Variants in SELENOI observed in about 807,000 individuals in gnomAD.
The protein encoded by SELENOI is ethanolaminephosphotransferase 1.
SELENOI carries 24 observed loss-of-function variants against 50.7 expected under a neutral mutation model. The observed-to-expected ratio is 0.47, with a 90% CI of 0.34 to 0.67. The LOEUF (loss-of-function observed/expected upper bound fraction) is 0.67. Among genes scored for constraint, SELENOI ranks in the 30% least tolerant of loss-of-function variants. The pLI is 0.01. For synonymous variants in SELENOI, 155 were observed against 170.2 expected, an observed-to-expected ratio of 0.91 and a Z score of 0.70; for missense variants, 352 against 461.4, an observed-to-expected ratio of 0.76 and a Z score of 2.17.
intron 9 of SELENOI, among the ~76,000 whole-genome samples, chr2:26,387,478 C>G (rs1476726024): frequency 6.6e-6 from 1 of 151,708 alleles, no homozygotes; most frequent in Non-Finnish European, 1.5e-5. Flanking sequence ...ATCGCTTTAG[C>G]TCAGGAGTTC....
intron 1 of SELENOI, 156 bp downstream of exon 1, chr2:26,346,445 G>A (rs1676763239): frequency 1.1e-6 from 1 of 922,916 alleles, no homozygotes; most frequent in South Asian, 1.9e-5. Context: ...GGGGATTGGG[G>A]GTCGGGGAGC....
At chr2:26,388,676 T>C (rs998157668) in intron 9 of SELENOI, among the ~76,000 whole-genome samples, 2 of 152,178 alleles carry the variant, frequency 1.3e-5, no homozygotes, top group African/African-American at 4.8e-5. Context: ...AAGCTGAATA[T>C]AGAGTCTAAC....
intron 1 of SELENOI, 119 bp from the exon 2 acceptor site, chr2:26,364,183 C>T (rs1677240387): frequency 3.2e-6 from 2 of 633,716 alleles, no homozygotes; most frequent in African/African-American, 2.0e-5. Context: ...TTTTGAGTAG[C>T]TGGGTTATAT....
At chr2:26,381,510 A>T (rs1677701820) in intron 6 of SELENOI, among the ~76,000 whole-genome samples, 1 of 152,114 alleles carries the variant, frequency 6.6e-6, no homozygotes, top group Non-Finnish European at 1.5e-5. Context: ...TGAGATAGTT[A>T]TTTCAAGATT....
At chr2:26,350,029 A>C (rs1676922648) in intron 1 of SELENOI, among the ~76,000 whole-genome samples, 1 of 150,426 alleles carries the variant, frequency 6.6e-6, no homozygotes. Context: ...GGATCAGTTG[A>C]GTCTGGAAGT....
chr2:26,377,251 ATC>A (rs1439580843), intron 6 of SELENOI, among the ~76,000 whole-genome samples: 1 of 151,986 alleles, frequency 6.6e-6, no homozygotes, highest in African/African-American at 2.4e-5. Flanking sequence ...ACTTTTATTC[ATC>A]TGTCTTTAAA....
At chr2:26,346,939 CT>C (rs1362471966) in intron 1 of SELENOI, 1 of 152,232 alleles carries the variant, frequency 6.6e-6, no homozygotes, top group Non-Finnish European at 1.5e-5. Context: ...CGCTCAGCCT[CT>C]CTTTTGTGTA....
intron 6 of SELENOI, among the ~76,000 whole-genome samples, chr2:26,376,544 G>A (rs900062655): frequency 1.3e-5 from 2 of 152,098 alleles, no homozygotes; most frequent in Non-Finnish European, 2.9e-5. Context: ...AAACCCCTGT[G>A]TACTATTACC....
intron 1 of SELENOI, among the ~76,000 whole-genome samples, chr2:26,363,617 ACT>A (rs1479522077): frequency 2.6e-5 from 4 of 151,814 alleles, no homozygotes; most frequent in African/African-American, 7.3e-5. Flanking sequence ...TGTATGATTA[ACT>A]CTGCGATTTG....
rs1262579385 is a variant in SELENOI at position 26,394,840 on chromosome 2, GT to G, written c.*5738del. The G allele has an allele frequency of 6.6e-6, 1 of 152,188 alleles. No individual in the cohort carries two copies. The highest frequency in any genetic ancestry group is 2.4e-5 in the African/African-American group (1 of 41,438). The allele number at this position is 152,188 out of a possible 1,614,324, so 9.4% of individuals were successfully genotyped here. ...TTTCATGCCCTGTGACTAAGAATAGGTGGAGGAATCATGGCCAAATCAAATA... is the reference window on the plus strand; with the variant it reads ...TTTCATGCCCTGTGACTAAGAATAGGGGAGGAATCATGGCCAAATCAAATA... On this transcript the variant is annotated 3_prime_UTR_variant, in exon 10 of 10. Transcript: ENST00000260585. This position sits in a 1 kb window ranked among gnomAD's most constrained non-coding sequence, Gnocchi z 4.1.
chr2:26,373,698 T>G, intron 5 of SELENOI, 69 bp downstream of exon 5: 3 of 1,484,736 alleles, frequency 2.0e-6, no homozygotes, highest in Non-Finnish European at 2.7e-6. Context: ...TGTCATTGCT[T>G]ATTTATTGCT....
At chr2:26,370,939 C>T (rs1283295887) in intron 4 of SELENOI, among the ~76,000 whole-genome samples, 3 of 100,092 alleles carry the variant, frequency 3.0e-5, no homozygotes, top group African/African-American at 9.7e-5. Flanking sequence ...CTGACCCCCC[C>T]ACCTCCCTCC....
Position 26,353,656 on chromosome 2 carries a change from C to A in SELENOI, c.57+7367C>A, listed in dbSNP as rs533728109. Among the ~76,000 whole-genome samples the A allele has an allele frequency of 2.0e-5, 3 of 152,210 alleles. No homozygotes were observed. In the South Asian group the frequency reaches 6.2e-4, roughly 32 times the overall value. ...TAGATAGTGATTTATATATGTCTGG[C>A]AGAAAGAATTATTTCTGCAGTTGGC... On this transcript the variant is annotated intron_variant, in intron 1 of 9. Coordinates refer to ENST00000260585, the MANE Select transcript of SELENOI (RefSeq NM_033505.4).
intron 1 of SELENOI, among the ~76,000 whole-genome samples, chr2:26,353,497 G>A (rs1261225433): frequency 2.0e-5 from 3 of 152,162 alleles, no homozygotes; most frequent in African/African-American, 7.2e-5. Context: ...TTATGGCATT[G>A]CCTGGATCCA....
rs1677914280 is a variant in SELENOI at position 26,389,369 on chromosome 2, G to C, written c.*266G>C. ...AAATGTTCCTAATGGTTCTAACTTC[G>C]TGAGTTTACAATGTTGTGATTCATG... On this transcript the variant is annotated 3_prime_UTR_variant, in exon 10 of 10. Transcript: ENST00000260585. The C allele has an allele frequency of 3.1e-6, 1 of 325,372 alleles. No individual in the cohort carries two copies. The highest frequency in any genetic ancestry group is 2.1e-5 in the African/African-American group (1 of 47,918). The allele number at this position is 325,372 out of a possible 1,614,324, so 20.2% of individuals were successfully genotyped here. A position where few individuals can be genotyped will look rare whatever the true frequency, so the allele number is the denominator to read the frequency against.
chr2:26,361,448 T>G (rs1677176127), intron 1 of SELENOI, among the ~76,000 whole-genome samples: 1 of 152,214 alleles, frequency 6.6e-6, no homozygotes, highest in South Asian at 2.1e-4. Context: ...TTATTACATT[T>G]ATGTGAATTT....
intron 4 of SELENOI, among the ~76,000 whole-genome samples, chr2:26,369,411 C>G (rs2147952480): frequency 6.6e-6 from 1 of 152,298 alleles, no homozygotes; most frequent in Middle Eastern, 3.4e-3. Context: ...ACTCTTGCTG[C>G]TTATTCTGAC....
chr2:26,369,653 A>G (rs6546950), intron 4 of SELENOI, among the ~76,000 whole-genome samples: 149,876 of 152,350 alleles, frequency 0.98, 73,751 homozygotes, highest in East Asian at 1. Context: ...TCTTCCTGAA[A>G]CATTGCTTTC....
chr2:26,349,949 A>T (rs1442276584), intron 1 of SELENOI, among the ~76,000 whole-genome samples: 1 of 150,438 alleles, frequency 6.6e-6, no homozygotes, highest in Non-Finnish European at 1.5e-5. Flanking sequence ...AAAAAAAAAA[A>T]AAAAAAAAAA....
Sources: allele counts gnomAD v4.1 joint callset (sites outside exome capture counted in the v4.1 genomes callset), GRCh38; gene constraint gnomAD v4.1.1; non-coding constraint Gnocchi (gnomAD v3.1); transcripts MANE v1.5; gene names NCBI Gene and HGNC (gene_info 2026-07-23, HGNC 2026-07-21).